Variants in TGIF2 observed in about 807,000 individuals in gnomAD.
The protein encoded by TGIF2 is TGFB induced factor homeobox 2.
Under a neutral mutation model 15.1 loss-of-function variants are expected in TGIF2, and 5 were observed. That is an observed-to-expected ratio of 0.33 (90% CI 0.17 to 0.70). The LOEUF (loss-of-function observed/expected upper bound fraction) is 0.70. Among genes scored for constraint, TGIF2 ranks in the 30% least tolerant of loss-of-function variants. The pLI is 0.67. For missense variants in TGIF2, 264 were observed against 302.5 expected (o/e 0.87, Z 0.94); for synonymous variants, 131 against 128.9 (o/e 1.02, Z -0.11).
intron 2 of TGIF2, among the ~76,000 whole-genome samples, chr20:36,588,648 A>G (rs1422864085): frequency 6.6e-6 from 1 of 152,042 alleles, no homozygotes; most frequent in East Asian, 1.9e-4. Context: ...AGGGGCAAAT[A>G]AGGACCCCAG....
upstream of TGIF2, chr20:36,573,571 G>A (rs1016354493): frequency 1.3e-5 from 2 of 151,594 alleles, no homozygotes; most frequent in East Asian, 3.9e-4. Flanking sequence ...CAGAGGGCGC[G>A]GGGGGAGGAG....
At chr20:36,588,652 A>G (rs2038709449) in intron 2 of TGIF2, among the ~76,000 whole-genome samples, 1 of 151,876 alleles carries the variant, frequency 6.6e-6, no homozygotes, top group South Asian at 2.1e-4. Context: ...GCAAATAAGG[A>G]CCCCAGAGCC....
In TGIF2 at chr20:36,588,463, T is replaced by A. The variant is rs1327216228; in HGVS notation, c.193-2447T>A. Among the ~76,000 whole-genome samples, 5 of 147,228 alleles carry A rather than the reference T, an allele frequency of 3.4e-5. No individual in the cohort carries two copies. In the East Asian group the frequency reaches 1.0e-3, roughly 30 times the overall value. Reference sequence around the variant, plus strand: ...TCACCGCAACCTCTGCCTTGTGGGTTCAAGCAGTTCTCTCAGCCTCCTGAG... The same window carrying A: ...TCACCGCAACCTCTGCCTTGTGGGTACAAGCAGTTCTCTCAGCCTCCTGAG... On this transcript the variant is annotated intron_variant, in intron 2 of 2. Transcript: ENST00000373872.
In TGIF2 at chr20:36,591,483, G is replaced by A. The variant is rs186881499; in HGVS notation, c.*52G>A. The A allele has an allele frequency of 1.3e-5, 20 of 1,535,670 alleles. No individual in the cohort carries two copies. Among genetic ancestry groups the A allele is most frequent in the Middle Eastern group, 2.3e-4 (1 of 4,388 alleles). ...CTCCAGCCAGCTGTCCTGGGTTTCC[G>A]TTTTGGTTCCCTTTCATACAGAGGG... On this transcript the variant is annotated 3_prime_UTR_variant, in exon 3 of 3. Coordinates refer to ENST00000373872, the MANE Select transcript of TGIF2 (RefSeq NM_021809.7). This position sits in a 1 kb window ranked among gnomAD's most constrained non-coding sequence, Gnocchi z 5.3.
intron 2 of TGIF2, among the ~76,000 whole-genome samples, chr20:36,590,246 C>A (rs1341802295): frequency 2.0e-5 from 3 of 151,958 alleles, no homozygotes; most frequent in Non-Finnish European, 4.4e-5. Flanking sequence ...TGTGAGCCAC[C>A]GTGCCCAGCC....
chr20:36,577,261 A>G (rs1405627542), intron 1 of TGIF2, among the ~76,000 whole-genome samples: 3 of 151,874 alleles, frequency 2.0e-5, no homozygotes, highest in Admixed American at 1.3e-4. Flanking sequence ...GTGCAATGCC[A>G]TGATCTCAGC....
chr20:36,586,933 G>T (rs1252389880), intron 2 of TGIF2, among the ~76,000 whole-genome samples: 1 of 152,152 alleles, frequency 6.6e-6, no homozygotes, highest in African/African-American at 2.4e-5. Context: ...ACCCCCATTT[G>T]CCACAGTGAT....
intron 2 of TGIF2, among the ~76,000 whole-genome samples, 175 bp from the exon 3 acceptor site, chr20:36,590,735 C>G (rs114002589): frequency 0.012 from 1,878 of 151,876 alleles, 51 homozygotes; most frequent in African/African-American, 0.043. Flanking sequence ...TGGCTAACTT[C>G]TTTTGTAGAA....
At chr20:36,584,150 G>A (rs915522985) in intron 2 of TGIF2, among the ~76,000 whole-genome samples, 2 of 152,062 alleles carry the variant, frequency 1.3e-5, no homozygotes, top group African/African-American at 4.8e-5. Context: ...CCTCAACCCT[G>A]GTCCCCTACA....
chr20:36,580,270 A>G (rs2038517146), intron 2 of TGIF2, among the ~76,000 whole-genome samples: 1 of 152,098 alleles, frequency 6.6e-6, no homozygotes, highest in African/African-American at 2.4e-5. Flanking sequence ...CATGGTAAGT[A>G]TTTTAGCCCT....
At chr20:36,584,824 G>A (rs1202571904) in intron 2 of TGIF2, among the ~76,000 whole-genome samples, 12 of 152,130 alleles carry the variant, frequency 7.9e-5, no homozygotes, top group African/African-American at 2.2e-4. Flanking sequence ...GATTACAGGC[G>A]TGAGCCACTG....
intron 2 of TGIF2, among the ~76,000 whole-genome samples, chr20:36,579,317 G>A (rs947507947): frequency 1.3e-5 from 2 of 151,992 alleles, no homozygotes; most frequent in African/African-American, 4.8e-5. Context: ...GATTACAGGC[G>A]CCCGCCACCA....
At position 36,590,980 on chromosome 20, in the gene TGIF2, C is replaced by T; in HGVS notation, c.263C>T (p.Pro88Leu). The T allele has an allele frequency of 6.4e-7, 1 of 1,571,324 alleles. No homozygotes were observed. Among genetic ancestry groups the T allele is most frequent in the Non-Finnish European group, 8.7e-7 (1 of 1,155,800 alleles). Reference sequence around the variant, plus strand: ...ATGCTTCGGAAGGATGGCAAAGACCCTAATCAGTTTACCATTTCCCGCCGC... The same window carrying T: ...ATGCTTCGGAAGGATGGCAAAGACCTTAATCAGTTTACCATTTCCCGCCGC... The part of the protein sequence containing the change: ...PDMLRKDGKD[P>L]NQFTISRRGG... The change falls in exon 3 of 3, where the codon CCT (proline) becomes CTT (leucine). Residue 88 changes from proline to leucine, a missense_variant. Transcript: ENST00000373872.
At chr20:36,582,251 TAAAG>T (rs951809270) in intron 2 of TGIF2, among the ~76,000 whole-genome samples, 27 of 151,918 alleles carry the variant, frequency 1.8e-4, no homozygotes, top group South Asian at 1.0e-3. Context: ...AATAAAAAAA[TAAAG>T]AAAACATTTT....
chr20:36,575,351 G>A (rs2038405851), intron 1 of TGIF2, among the ~76,000 whole-genome samples: 1 of 152,100 alleles, frequency 6.6e-6, no homozygotes. Flanking sequence ...GGAGAAGTTT[G>A]TGTAGACTGA....
At chr20:36,588,637 GAGGGGCAAATAAGGACCCCAGAGCC>G (rs2038709198) in intron 2 of TGIF2, among the ~76,000 whole-genome samples, 1 of 152,154 alleles carries the variant, frequency 6.6e-6, no homozygotes, top group Non-Finnish European at 1.5e-5. Flanking sequence ...TAGTGGTGAA[GAGGGGCAAATAAGGACCCCAGAGCC>G]AGGGCCCCTC....
chr20:36,590,788 G>T lies in TGIF2; in HGVS notation c.193-122G>T. ...TGCCCAGGCTGGTCTTGAACTCCTG[G>T]GCTTAAGCAATCCTCCCGCCTTGGC... is the stretch of plus-strand genomic sequence containing the variant. On this transcript the variant is annotated intron_variant, in intron 2 of 2. Transcript: ENST00000373872. The T allele has an allele frequency of 5.4e-6, 6 of 1,108,256 alleles. No individual in the cohort carries two copies. In the Admixed American group the frequency reaches 7.7e-5, roughly 14 times the overall value. 68.7% of individuals were successfully genotyped at this position (1,108,256 alleles called of 1,614,324 possible).
intron 2 of TGIF2, 106 bp from the exon 3 acceptor site, chr20:36,590,804 C>T: frequency 7.7e-7 from 1 of 1,291,072 alleles, no homozygotes; most frequent in Middle Eastern, 2.2e-4. Context: ...AGCAATCCTC[C>T]CGCCTTGGCC....
Position 36,578,920 on chromosome 20 carries a change from A to G in TGIF2, c.146A>G (p.Gln49Arg). The G allele has an allele frequency of 1.2e-6, 2 of 1,614,196 alleles. No individual in the cohort carries two copies. The highest frequency in any genetic ancestry group is 1.7e-6 in the Non-Finnish European group (2 of 1,180,038). Residue 49 changes from glutamine (Q) to arginine (R), a missense_variant, in exon 2 of 3, where the codon CAG (glutamine) becomes CGG (arginine). Coordinates refer to ENST00000373872, the MANE Select transcript of TGIF2 (RefSeq NM_021809.7). ...CGCTACAACGCCTACCCCTCAGAGC[A>G]GGAGAAGCTGAGCCTTTCTGGACAG... ...LHRYNAYPSE[Q>R]EKLSLSGQTN...
Sources: allele counts gnomAD v4.1 joint callset (sites outside exome capture counted in the v4.1 genomes callset), GRCh38; gene constraint gnomAD v4.1.1; non-coding constraint Gnocchi (gnomAD v3.1); transcripts MANE v1.5; gene names NCBI Gene and HGNC (gene_info 2026-07-23, HGNC 2026-07-21).